MYOM2: variants seen among roughly 807,000 people sequenced by gnomAD.
The protein encoded by MYOM2 is myomesin 2.
A neutral mutation model predicts 187.6 loss-of-function variants in MYOM2; 254 were observed. The observed-to-expected ratio is 1.35, with a 90% CI of 1.22 to 1.50. The LOEUF is 1.50. Among genes scored for constraint, MYOM2 ranks in the 40% most tolerant of loss-of-function variants. The pLI, the probability that MYOM2 is intolerant of heterozygous loss-of-function variation, is 0.00. For synonymous variants in MYOM2, 981 were observed against 753.8 expected (o/e 1.30, Z -4.94); for missense variants, 2,796 against 1,924.0 (o/e 1.45, Z -8.48).
At chr8:2,109,297 A>G (rs1796990146) in intron 24 of MYOM2, 98 bp from the exon 25 acceptor site, 1 of 1,356,300 alleles carries the variant, frequency 7.4e-7, no homozygotes, top group Non-Finnish European at 9.9e-7. Flanking sequence ...ATTCTCAAAA[A>G]TCTAATAACT....
At chr8:2,130,063 G>A (rs1399852007) in intron 32 of MYOM2, among the ~76,000 whole-genome samples, 1 of 152,038 alleles carries the variant, frequency 6.6e-6, no homozygotes, top group Non-Finnish European at 1.5e-5. Flanking sequence ...AGATGTTAAC[G>A]CCCGTCAGTA....
intron 1 of MYOM2, among the ~76,000 whole-genome samples, chr8:2,048,813 G>A (rs1818389116): frequency 6.7e-6 from 1 of 149,100 alleles, no homozygotes. Flanking sequence ...TTTTTGAGAT[G>A]GAGTCTCGCT....
At chr8:2,112,018 T>A (rs532312697) in intron 25 of MYOM2, among the ~76,000 whole-genome samples, 5 of 152,274 alleles carry the variant, frequency 3.3e-5, no homozygotes, top group African/African-American at 1.2e-4. Flanking sequence ...AAACCCTGAA[T>A]GTCAGATTCG....
At chr8:2,082,976 C>A (rs1819680013) in intron 13 of MYOM2, among the ~76,000 whole-genome samples, 1 of 152,136 alleles carries the variant, frequency 6.6e-6, no homozygotes, top group African/African-American at 2.4e-5. Context: ...CCAGTTCAGC[C>A]ACCCAGTAGC....
At chr8:2,049,151 T>C (rs544413912) in intron 1 of MYOM2, among the ~76,000 whole-genome samples, 4 of 152,202 alleles carry the variant, frequency 2.6e-5, no homozygotes, top group Non-Finnish European at 4.4e-5. Context: ...GAATGCATGC[T>C]GGTGCACTCT....
chr8:2,132,212 A>C (rs1329803347), intron 32 of MYOM2, among the ~76,000 whole-genome samples: 1 of 151,684 alleles, frequency 6.6e-6, no homozygotes, highest in Non-Finnish European at 1.5e-5. Context: ...TGGAGCTGCC[A>C]AAGACTGGTG....
intron 32 of MYOM2, among the ~76,000 whole-genome samples, chr8:2,130,758 C>T (rs945350589): frequency 2.6e-5 from 4 of 152,136 alleles, no homozygotes; most frequent in Non-Finnish European, 4.4e-5. Flanking sequence ...GTATTGAAGG[C>T]AGGGTCTTTT....
In MYOM2 at chr8:2,106,651, G is replaced by A. The variant is rs1481527737; in HGVS notation, c.2998+54G>A. 18 of 1,274,632 alleles carry A rather than the reference G, an allele frequency of 1.4e-5. No homozygotes were observed. In the Admixed American group the frequency reaches 2.9e-4, roughly 21 times the overall value. The allele number at this position is 1,274,632 out of a possible 1,614,324, so 79.0% of individuals were successfully genotyped here. A position where few individuals can be genotyped will look rare whatever the true frequency, so the allele number is the denominator to read the frequency against. On this transcript the variant is annotated intron_variant, in intron 23 of 36. Coordinates refer to ENST00000262113, the MANE Select transcript of MYOM2 (RefSeq NM_003970.4). ...GTTTTGGTTTTATCACACTTTCAAA[G>A]ATTGACACCAACATAGAAAAGACTT... is the stretch of plus-strand genomic sequence containing the variant.
intron 6 of MYOM2, among the ~76,000 whole-genome samples, chr8:2,064,644 C>T (rs776410062): frequency 1.1e-4 from 16 of 152,184 alleles, no homozygotes; most frequent in African/African-American, 3.1e-4. Flanking sequence ...AGTGCTAATG[C>T]GCGAGGTTGC....
chr8:2,085,365 A>ACCCGCTCATGTACT lies in MYOM2; in HGVS notation c.1620_1633dup (p.Phe545SerfsTer26). The ACCCGCTCATGTACT allele has an allele frequency of 6.2e-7, 1 of 1,612,768 alleles. No homozygotes were observed. Among genetic ancestry groups the ACCCGCTCATGTACT allele is most frequent in the Non-Finnish European group, 8.5e-7 (1 of 1,179,640 alleles). ...GAGCCACCCACTCCCCGTGGCAAGG[A>ACCCGCTCATGTACT]CCCGCTCATGTACTTCATTGAGAAG... On this transcript the variant is annotated frameshift_variant, in exon 14 of 37. Transcript: ENST00000262113. LOFTEE classifies it high-confidence loss of function.
At chr8:2,141,078 T>G in intron 33 of MYOM2, 63 bp from the exon 34 acceptor site, 2 of 1,505,888 alleles carry the variant, frequency 1.3e-6, no homozygotes, top group Non-Finnish European at 1.8e-6. Flanking sequence ...GTATAATATT[T>G]GAGTGAATAA....
At chr8:2,135,774 A>G (rs564298346) in intron 32 of MYOM2, among the ~76,000 whole-genome samples, 9 of 152,184 alleles carry the variant, frequency 5.9e-5, no homozygotes, top group Admixed American at 3.9e-4. Flanking sequence ...TAATATCCCT[A>G]TATGTCCAAG....
chr8:2,064,701 C>G (rs1041671714), intron 6 of MYOM2, among the ~76,000 whole-genome samples: 4 of 152,214 alleles, frequency 2.6e-5, no homozygotes, highest in Admixed American at 2.6e-4. Flanking sequence ...AAACAAGCTC[C>G]TTGCCCTTTG....
rs143512665 is a variant in MYOM2, at chr8:2,144,931, C to G, written c.4348C>G (p.Gln1450Glu). The G allele has an allele frequency of 1.5e-5, 25 of 1,614,088 alleles. No individual in the cohort carries two copies. The African/African-American group carries it at 3.1e-4, about 20-fold the overall frequency. ...EKIPDMAPPQ[Q>E]AKPKLIPASA... The stretch of plus-strand genomic sequence containing the variant: ...GATCCCGGACATGGCCCCGCCCCAG[C>G]AAGCCAAGCCCAAGCTCATCCCCGC... The change falls in exon 37 of 37, where the codon CAA becomes GAA. Residue 1450 changes from glutamine (Q) to glutamate (E), a missense_variant. Gln to Glu is a conservative substitution (Grantham distance 29). Transcript: ENST00000262113.
At chr8:2,130,724 T>C (rs753691963) in intron 32 of MYOM2, among the ~76,000 whole-genome samples, 2 of 152,294 alleles carry the variant, frequency 1.3e-5, no homozygotes, top group Non-Finnish European at 1.5e-5. Context: ...GTAGATCCCA[T>C]GTTAAGGGAT....
At chr8:2,107,642 C>T (rs148447052) in intron 23 of MYOM2, among the ~76,000 whole-genome samples, 161 of 152,264 alleles carry the variant, frequency 1.1e-3, no homozygotes, top group Non-Finnish European at 1.8e-3. Context: ...TTTAACAAGA[C>T]ACAGGCAGAC....
At chr8:2,109,584 T>C in intron 25 of MYOM2, 53 bp downstream of exon 25, 1 of 1,556,560 alleles carries the variant, frequency 6.4e-7, no homozygotes, top group Non-Finnish European at 8.7e-7. Context: ...ACTTTTGTTG[T>C]GGTAGGTCAG....
intron 3 of MYOM2, among the ~76,000 whole-genome samples, chr8:2,055,774 G>A (rs574261307): frequency 1.3e-5 from 2 of 152,138 alleles, no homozygotes; most frequent in East Asian, 1.9e-4. Flanking sequence ...CCTGGGTCTC[G>A]GACAGGCCTT....
At chr8:2,107,980 T>C (rs912277481) in intron 23 of MYOM2, among the ~76,000 whole-genome samples, 1 of 152,238 alleles carries the variant, frequency 6.6e-6, no homozygotes, top group Non-Finnish European at 1.5e-5. Context: ...TTTAGTTCAT[T>C]CCATGTATGG....
Sources: allele counts gnomAD v4.1 joint callset (sites outside exome capture counted in the v4.1 genomes callset), GRCh38; gene constraint gnomAD v4.1.1; transcripts MANE v1.5; gene names NCBI Gene and HGNC (gene_info 2026-07-23, HGNC 2026-07-21).